Variants in DMD observed in about 807,000 individuals in gnomAD.
DMD encodes mutant dystrophin.
A neutral mutation model predicts 330.1 loss-of-function variants in DMD; 63 were observed. That is an observed-to-expected ratio of 0.19 (90% CI 0.16 to 0.24). The LOEUF is 0.24. DMD is among the 10% of genes least tolerant of loss of function. The pLI, the probability that DMD is intolerant of heterozygous loss-of-function variation, is 1.00. For missense variants in DMD, 3,344 were observed against 2,684.1 expected (o/e 1.25, Z -5.43); for synonymous variants, 1,223 against 959.8 (o/e 1.27, Z -5.07).
chrX:32,385,648 G>A (rs1032432015), intron 33 of DMD, among the ~76,000 whole-genome samples: 94 of 42,360 alleles, frequency 2.2e-3, no homozygotes, highest in African/African-American at 0.01. Flanking sequence ...TGAGTTGAGC[G>A]AAGTGAGATG....
chrX:32,993,689 AC>A (rs1279150047), intron 2 of DMD, among the ~76,000 whole-genome samples: 1 of 111,222 alleles, frequency 9.0e-6, no homozygotes, highest in Non-Finnish European at 1.9e-5. Flanking sequence ...CTTTTATAAA[AC>A]TTTTGTTTTA....
At chrX:33,186,200 T>C (rs1401422632) in intron 1 of DMD, among the ~76,000 whole-genome samples, 1 of 112,224 alleles carries the variant, frequency 8.9e-6, no homozygotes, top group Non-Finnish European at 1.9e-5. Context: ...GTTGAATCCC[T>C]ATCTCATTCT....
At chrX:32,578,238 T>C (rs1282622674) in intron 13 of DMD, among the ~76,000 whole-genome samples, 1 of 112,576 alleles carries the variant, frequency 8.9e-6, no homozygotes, top group Non-Finnish European at 1.9e-5. Flanking sequence ...TTCTCTGAGT[T>C]TCTATTTACG....
chrX:33,011,594 C>A (rs1400728717), intron 2 of DMD, among the ~76,000 whole-genome samples: 1 of 112,213 alleles, frequency 8.9e-6, no homozygotes, highest in Non-Finnish European at 1.9e-5. Flanking sequence ...TGTTTCCTTT[C>A]TCAGATGATA....
chrX:32,521,047 CCACCGTTCT>C (rs1265606519), intron 17 of DMD, among the ~76,000 whole-genome samples: 1 of 111,623 alleles, frequency 9.0e-6, no homozygotes, highest in East Asian at 2.8e-4. Context: ...GCATATGTAG[CCACCGTTCT>C]CATTCCCTTC....
At chrX:32,657,120 TC>T (rs1341199739) in intron 9 of DMD, among the ~76,000 whole-genome samples, 1 of 110,373 alleles carries the variant, frequency 9.1e-6, no homozygotes, top group Non-Finnish European at 1.9e-5. Context: ...TATATTTTAT[TC>T]CTTTATTTTT....
intron 1 of DMD, among the ~76,000 whole-genome samples, chrX:33,080,205 A>G (rs2094907264): frequency 8.9e-6 from 1 of 112,062 alleles, no homozygotes; most frequent in Non-Finnish European, 1.9e-5. Context: ...GCCCCACAGT[A>G]TGACTTTAAT....
chrX:32,060,410 G>C (rs987168428), intron 44 of DMD, among the ~76,000 whole-genome samples: 2 of 111,384 alleles, frequency 1.8e-5, no homozygotes, highest in African/African-American at 6.5e-5. Context: ...TCAGAGGGCA[G>C]TTTGCAAGAA....
At chrX:32,171,881 T>C (rs2096888952) in intron 44 of DMD, among the ~76,000 whole-genome samples, 1 of 111,546 alleles carries the variant, frequency 9.0e-6, no homozygotes. Context: ...GTAATATTGA[T>C]CTTATCAATG....
intron 62 of DMD, among the ~76,000 whole-genome samples, chrX:31,268,848 TTTTG>T (rs759529731): frequency 8.0e-5 from 9 of 112,397 alleles, no homozygotes; most frequent in South Asian, 3.7e-4. Context: ...CTTTCCTGTT[TTTTG>T]TTTGTTTGTT....
At chrX:31,225,207 A>C (rs751486959) in intron 63 of DMD, among the ~76,000 whole-genome samples, 2 of 112,515 alleles carry the variant, frequency 1.8e-5, no homozygotes, top group African/African-American at 3.2e-5. Context: ...TGTGTGTGTT[A>C]GCTTAAGCTA....
chrX:31,483,250 G>A (rs989473476), intron 57 of DMD, among the ~76,000 whole-genome samples: 4 of 108,740 alleles, frequency 3.7e-5, no homozygotes, highest in African/African-American at 1.4e-4. Context: ...GTTTCACCGT[G>A]TTAGCCAGGA....
intron 3 of DMD, among the ~76,000 whole-genome samples, chrX:32,847,059 A>G (rs930487237): frequency 8.9e-6 from 1 of 111,851 alleles, no homozygotes; most frequent in Non-Finnish European, 1.9e-5. Flanking sequence ...CTTCTTGTGT[A>G]TATATAGATT....
intron 1 of DMD, among the ~76,000 whole-genome samples, chrX:33,236,930 C>T (rs767320312): frequency 5.4e-5 from 6 of 110,766 alleles, no homozygotes; most frequent in Non-Finnish European, 1.1e-4. Context: ...CAGCTCATTC[C>T]CCATCCAACT....
At position 32,402,911 on chromosome X, in the gene DMD, A is replaced by C. The variant is rs189927753; in HGVS notation, c.4233+8841T>G. Reference sequence around the variant, plus strand: ...GCTATCTAATGAGTGGCAAGATGGCAAGGACCACGTTAGGCTTATTCACAT... The same window carrying C: ...GCTATCTAATGAGTGGCAAGATGGCCAGGACCACGTTAGGCTTATTCACAT... On this transcript the variant is annotated intron_variant, in intron 30 of 78. Coordinates refer to ENST00000357033, the MANE Select transcript of DMD (RefSeq NM_004006.3). 4.9e-3 allele frequency among the ~76,000 whole-genome samples: 548 copies of C among 111,505 alleles called. 2 individuals carry two copies. Among genetic ancestry groups the C allele is most frequent in the African/African-American group, 0.016 (499 of 30,766 alleles).
chrX:31,562,713 TTA>T (rs200801025), intron 55 of DMD, among the ~76,000 whole-genome samples: 2,428 of 112,170 alleles, frequency 0.022, 80 homozygotes, highest in Admixed American at 0.13. Context: ...ATGCATCTCT[TTA>T]TGTCACATGT....
At chrX:33,128,306 C>A (rs2095477277) in intron 1 of DMD, 1 of 1,039,079 alleles carries the variant, frequency 9.6e-7, no homozygotes, top group South Asian at 3.2e-5. Flanking sequence ...ATAAAGCAGG[C>A]ACAGAATCTC....
intron 12 of DMD, among the ~76,000 whole-genome samples, chrX:32,598,880 G>C (rs1478113969): frequency 8.9e-6 from 1 of 111,781 alleles, no homozygotes; most frequent in Non-Finnish European, 1.9e-5. Flanking sequence ...GAACCCTCTG[G>C]ACTTACGGTG....
chrX:31,220,596 C>T (rs1349999161), intron 64 of DMD, among the ~76,000 whole-genome samples: 1 of 111,502 alleles, frequency 9.0e-6, no homozygotes, highest in Non-Finnish European at 1.9e-5. Flanking sequence ...AAATAACTTC[C>T]CTTCTCACGC....
Sources: gnomAD v4.1 joint callset for allele counts (sites outside exome capture counted in the v4.1 genomes callset) on GRCh38, gnomAD v4.1.1 for gene constraint, MANE v1.5 for transcripts, NCBI Gene and HGNC (gene_info 2026-07-23, HGNC 2026-07-21) for gene names.